GRIK4: variants seen among roughly 807,000 people sequenced by gnomAD.
GRIK4 encodes the protein glutamate receptor ionotropic, kainate 4.
In GRIK4, 40 loss-of-function variants were observed where a neutral mutation model predicts 104.9. The ratio of observed to expected loss-of-function variants is 0.38; its 90% CI spans 0.30 to 0.50. GRIK4 has a LOEUF of 0.50. Among genes scored for constraint, GRIK4 ranks in the 20% least tolerant of loss-of-function variants. The pLI is 0.93. For missense variants in GRIK4, 1,047 were observed against 1,308.1 expected (o/e 0.80, Z 3.08); for synonymous variants, 485 against 524.9 (o/e 0.92, Z 1.04).
chr11:120,924,642 A>G (rs1374098225), intron 13 of GRIK4, among the ~76,000 whole-genome samples: 1 of 152,034 alleles, frequency 6.6e-6, no homozygotes, highest in Non-Finnish European at 1.5e-5. Flanking sequence ...ATTATTCCAA[A>G]TTTAACACCA....
intron 3 of GRIK4, among the ~76,000 whole-genome samples, chr11:120,761,014 A>G (rs1951739795): frequency 6.6e-6 from 1 of 152,144 alleles, no homozygotes; most frequent in South Asian, 2.1e-4. Context: ...ATCCTTGAGG[A>G]ATCGCCACAC....
At chr11:120,605,649 T>G (rs1489652497) in intron 1 of GRIK4, among the ~76,000 whole-genome samples, 1 of 152,122 alleles carries the variant, frequency 6.6e-6, no homozygotes, top group Non-Finnish European at 1.5e-5. Flanking sequence ...TGGAGGATAT[T>G]GAAGTGAGGG....
intron 1 of GRIK4, among the ~76,000 whole-genome samples, chr11:120,569,629 A>G (rs1948372518): frequency 6.6e-6 from 1 of 152,212 alleles, no homozygotes; most frequent in Admixed American, 6.5e-5. Flanking sequence ...TAGCTTCCCT[A>G]AAGAGTAGTG....
chr11:120,559,862 C>T (rs981376236), intron 1 of GRIK4, among the ~76,000 whole-genome samples: 7 of 152,176 alleles, frequency 4.6e-5, no homozygotes, highest in African/African-American at 1.2e-4. Context: ...ATCTGCATTA[C>T]ACCAGCAGCG....
intron 3 of GRIK4, among the ~76,000 whole-genome samples, chr11:120,760,906 CAT>C (rs1565337130): frequency 6.6e-6 from 1 of 152,032 alleles, no homozygotes; most frequent in Non-Finnish European, 1.5e-5. Context: ...CTGCAGTAAA[CAT>C]ATGTGTGCAC....
chr11:120,777,533 G>A (rs1274722440), intron 3 of GRIK4, among the ~76,000 whole-genome samples: 1 of 152,234 alleles, frequency 6.6e-6, no homozygotes, highest in African/African-American at 2.4e-5. Flanking sequence ...GGGCACAGCA[G>A]TAAACAAAAC....
intron 3 of GRIK4, among the ~76,000 whole-genome samples, chr11:120,738,202 C>T (rs1736240584): frequency 6.6e-6 from 1 of 152,186 alleles, no homozygotes; most frequent in Admixed American, 6.5e-5. Flanking sequence ...GGAGTAAATG[C>T]CTTAACTGCT....
At chr11:120,652,001 T>C (rs1052763827) in intron 1 of GRIK4, among the ~76,000 whole-genome samples, 1 of 152,106 alleles carries the variant, frequency 6.6e-6, no homozygotes, top group Non-Finnish European at 1.5e-5. Context: ...GAGAACAAGT[T>C]CCCGGAGCCA....
rs1014038156 is a variant in GRIK4 at position 120,953,273 on chromosome 11, G to A, written c.1700+309G>A. ...ACCTAAGCCCCTTGCTTGTGTAGGA[G>A]CCCTGGGAAGAGAGGAGGGGTGGGG... On this transcript the variant is annotated intron_variant, in intron 15 of 20. Coordinates refer to ENST00000527524, the MANE Select transcript of GRIK4 (RefSeq NM_014619.5). The surrounding 1 kb of genome is among the most constrained non-coding windows in gnomAD (Gnocchi z 4.9). Among the ~76,000 whole-genome samples the A allele has an allele frequency of 2.0e-5, 3 of 152,144 alleles. No homozygotes were observed. The highest frequency in any genetic ancestry group is 1.5e-5 in the Non-Finnish European group (1 of 68,026).
intron 13 of GRIK4, among the ~76,000 whole-genome samples, chr11:120,909,310 G>A (rs1447458182): frequency 6.6e-6 from 1 of 152,218 alleles, no homozygotes; most frequent in East Asian, 1.9e-4. Flanking sequence ...GATTATCTTA[G>A]GGACACCAGG....
intron 9 of GRIK4, among the ~76,000 whole-genome samples, chr11:120,865,030 C>T (rs544908753): frequency 2.6e-5 from 4 of 152,354 alleles, no homozygotes; most frequent in East Asian, 1.9e-4. Flanking sequence ...GAATCAGATA[C>T]GATTCTATTT....
chr11:120,852,806 C>T (rs546423585), intron 8 of GRIK4, among the ~76,000 whole-genome samples: 53 of 152,260 alleles, frequency 3.5e-4, no homozygotes, highest in African/African-American at 1.3e-3. Context: ...TTTTGGACTT[C>T]TGGTGGCTCC....
In GRIK4 at chr11:120,748,176, C is replaced by T. The variant is rs551517462; in HGVS notation, c.83-54517C>T. ...CCGAGGTGGTCTGTGAGAAGCTGGC[C>T]GACAGGTTAAACCCTCCTCTCTCCC... On this transcript the variant is annotated intron_variant, in intron 3 of 20. Coordinates refer to ENST00000527524, the MANE Select transcript of GRIK4 (RefSeq NM_014619.5). Among the ~76,000 whole-genome samples the T allele has an allele frequency of 6.1e-5, 9 of 147,016 alleles. No homozygotes were observed. In the East Asian group the frequency reaches 1.2e-3, roughly 19 times the overall value.
intron 9 of GRIK4, among the ~76,000 whole-genome samples, chr11:120,863,521 A>G (rs1186190129): frequency 1.3e-5 from 2 of 152,200 alleles, no homozygotes. Context: ...GTTACTAGGT[A>G]TTTGTTGAAT....
chr11:120,809,407 C>G (rs2135523534), intron 4 of GRIK4, among the ~76,000 whole-genome samples: 1 of 152,322 alleles, frequency 6.6e-6, no homozygotes. Flanking sequence ...AATCAGCATG[C>G]AGGGGTTCCA....
At chr11:120,535,294 G>GCC (rs144998770) in intron 1 of GRIK4, among the ~76,000 whole-genome samples, 1 of 145,584 alleles carries the variant, frequency 6.9e-6, no homozygotes, top group Non-Finnish European at 1.5e-5. Flanking sequence ...GGGAAGGGGG[G>GCC]TGCAGATCTT....
chr11:120,804,374 C>T (rs1206750817), intron 4 of GRIK4, among the ~76,000 whole-genome samples: 1 of 152,208 alleles, frequency 6.6e-6, no homozygotes, highest in East Asian at 1.9e-4. Flanking sequence ...GCCCAAGCAT[C>T]ACATGTGGGG....
At chr11:120,739,885 CCAAA>C (rs1951295987) in intron 3 of GRIK4, among the ~76,000 whole-genome samples, 2 of 152,206 alleles carry the variant, frequency 1.3e-5, no homozygotes, top group South Asian at 2.1e-4. Context: ...TTTTGTGGCT[CCAAA>C]CAGAGTCCAC....
chr11:120,947,657 G>A (rs1318498849), intron 14 of GRIK4, among the ~76,000 whole-genome samples: 1 of 152,162 alleles, frequency 6.6e-6, no homozygotes, highest in African/African-American at 2.4e-5. Context: ...ATGGAAATAT[G>A]GATCCCTGAA....
Sources: allele counts gnomAD v4.1 joint callset (sites outside exome capture counted in the v4.1 genomes callset), GRCh38; gene constraint gnomAD v4.1.1; non-coding constraint Gnocchi (gnomAD v3.1); transcripts MANE v1.5; gene names NCBI Gene and HGNC (gene_info 2026-07-23, HGNC 2026-07-21).